MBD5: variants seen among roughly 807,000 people sequenced by gnomAD.
MBD5 encodes the protein methyl-CpG-binding domain protein 5.
In MBD5, 13 loss-of-function variants were observed where a neutral mutation model predicts 117.3. That is an observed-to-expected ratio of 0.11 (90% CI 0.07 to 0.18). The LOEUF (loss-of-function observed/expected upper bound fraction) is 0.18. Ranked by LOEUF, MBD5 falls within the 10% of genes least tolerant of loss-of-function variation. The pLI, the probability that MBD5 is intolerant of heterozygous loss-of-function variation, is 1.00. For synonymous variants in MBD5, 727 were observed against 766.4 expected, an observed-to-expected ratio of 0.95 and a Z score of 0.85; for missense variants, 1,879 against 2,093.8, an observed-to-expected ratio of 0.90 and a Z score of 2.00.
chr2:148,341,389 G>T (rs566258712), intron 3 of MBD5, among the ~76,000 whole-genome samples: 5 of 151,342 alleles, frequency 3.3e-5, no homozygotes, highest in Non-Finnish European at 7.4e-5. Context: ...GAATTAGGCC[G>T]ACCCAGATTT....
At chr2:148,236,849 TATCTACACTGAAA>T (rs1411691732) in intron 3 of MBD5, among the ~76,000 whole-genome samples, 2 of 152,064 alleles carry the variant, frequency 1.3e-5, no homozygotes, top group Non-Finnish European at 2.9e-5. Context: ...AAGGCTGTTG[TATCTACACTGAAA>T]ATCTGGTGTT....
intron 2 of MBD5, chr2:148,219,912 TA>T (rs1162663362): frequency 6.6e-6 from 1 of 152,186 alleles, no homozygotes; most frequent in Admixed American, 6.6e-5. Flanking sequence ...AGAGAATGGC[TA>T]AAGATCACCA....
chr2:148,328,096 G>A (rs553010063), intron 3 of MBD5, among the ~76,000 whole-genome samples: 2 of 152,044 alleles, frequency 1.3e-5, no homozygotes, highest in Non-Finnish European at 2.9e-5. Context: ...TGGAGTACCC[G>A]GCCGTGTGAG....
chr2:148,319,129 G>A (rs936666232), intron 3 of MBD5, among the ~76,000 whole-genome samples: 3 of 152,156 alleles, frequency 2.0e-5, no homozygotes, highest in Admixed American at 2.0e-4. Context: ...TTTTATACCA[G>A]TACCATGCTA....
chr2:148,313,590 G>T (rs750894292), intron 3 of MBD5, among the ~76,000 whole-genome samples: 2 of 152,202 alleles, frequency 1.3e-5, no homozygotes, highest in Non-Finnish European at 2.9e-5. Flanking sequence ...GTGGGAGTGG[G>T]ATCCACTGAG....
chr2:148,079,847 ACT>A (rs1363723006), intron 1 of MBD5, among the ~76,000 whole-genome samples: 1 of 142,912 alleles, frequency 7.0e-6, no homozygotes, highest in Non-Finnish European at 1.5e-5. Context: ...ACAGAGGGAG[ACT>A]CTGTCTAAAA....
intron 1 of MBD5, among the ~76,000 whole-genome samples, chr2:148,166,380 T>C (rs1698125485): frequency 6.6e-6 from 1 of 152,182 alleles, no homozygotes; most frequent in African/African-American, 2.4e-5. Flanking sequence ...ATTATTCTCA[T>C]CTGGTAAAAG....
intron 2 of MBD5, among the ~76,000 whole-genome samples, chr2:148,203,089 C>A (rs1192245558): frequency 2.9e-5 from 4 of 138,494 alleles, no homozygotes; most frequent in African/African-American, 2.8e-5. Context: ...CAGGCAACAT[C>A]ACGAGACTCC....
chr2:148,304,047 C>CA (rs1047351539), intron 3 of MBD5, among the ~76,000 whole-genome samples: 1 of 152,098 alleles, frequency 6.6e-6, no homozygotes, highest in African/African-American at 2.4e-5. Flanking sequence ...TTCCAGGACT[C>CA]AGAGATTTTC....
At chr2:148,454,563 A>C (rs1706825636) in intron 4 of MBD5, among the ~76,000 whole-genome samples, 1 of 152,184 alleles carries the variant, frequency 6.6e-6, no homozygotes, top group Non-Finnish European at 1.5e-5. Flanking sequence ...ATATATAGGA[A>C]ATAAACATAT....
Position 148,483,134 on chromosome 2 carries a change from T to G in MBD5, c.2543T>G (p.Ile848Arg), listed in dbSNP as rs184415910. The G allele has an allele frequency of 2.4e-5, 39 of 1,612,278 alleles. No individual in the cohort carries two copies. The highest frequency in any genetic ancestry group is 3.3e-5 in the Admixed American group (2 of 59,930). The change falls in exon 9 of 14, where the codon ATA (isoleucine) becomes AGA (arginine). Residue 848 changes from isoleucine (I) to arginine (R), a missense_variant. By Grantham distance (97) the Ile-to-Arg change is moderately conservative (BLOSUM62 -3). Coordinates refer to ENST00000642680, the MANE Select transcript of MBD5 (RefSeq NM_001378120.1). ...GGCGGTTCAGGACCATCATCCTCCA[T>G]AGCCATAGCGGGCACCAACCACCCT... is the stretch of plus-strand genomic sequence containing the variant. Reference protein sequence around the residue: ...EAGGSGPSSSIAIAGTNHPAI... With the variant: ...EAGGSGPSSSRAIAGTNHPAI...
At chr2:148,237,518 A>G (rs1203401251) in intron 3 of MBD5, among the ~76,000 whole-genome samples, 2 of 152,214 alleles carry the variant, frequency 1.3e-5, no homozygotes, top group African/African-American at 4.8e-5. Flanking sequence ...GAGTATTCAG[A>G]ACACACATTT....
chr2:148,380,026 T>A (rs146403009), intron 4 of MBD5, among the ~76,000 whole-genome samples: 279 of 152,086 alleles, frequency 1.8e-3, no homozygotes, highest in Non-Finnish European at 3.3e-3. Flanking sequence ...CATAAAAATG[T>A]GAAAAGATTG....
chr2:148,077,609 A>G lies in MBD5; in HGVS notation c.-925+55925A>G, dbSNP rs370280614. Among the ~76,000 whole-genome samples, 5 of 152,260 alleles carry G rather than the reference A, an allele frequency of 3.3e-5. 1 individual carries two copies. The highest frequency in any genetic ancestry group is 1.2e-4 in the African/African-American group (5 of 41,554). On this transcript the variant is annotated intron_variant, in intron 1 of 13. Coordinates refer to ENST00000642680, the MANE Select transcript of MBD5 (RefSeq NM_001378120.1). ...AGTGTATAGAATGTAAAAACAATAT[A>G]TAGTGTCCTGCTCCATATGAAGCAC...
At chr2:148,258,768 T>G (rs941072258) in intron 3 of MBD5, among the ~76,000 whole-genome samples, 9 of 152,232 alleles carry the variant, frequency 5.9e-5, no homozygotes, top group African/African-American at 2.2e-4. Flanking sequence ...CAAAATCAAA[T>G]CTATCCATAT....
At chr2:148,111,964 T>A (rs761111429) in intron 1 of MBD5, among the ~76,000 whole-genome samples, 2 of 152,124 alleles carry the variant, frequency 1.3e-5, no homozygotes, top group Non-Finnish European at 1.5e-5. Flanking sequence ...ATGAATGTGG[T>A]CTATCTCTCT....
chr2:148,314,667 C>G (rs1033675500), intron 3 of MBD5, among the ~76,000 whole-genome samples: 1 of 151,970 alleles, frequency 6.6e-6, no homozygotes, highest in Non-Finnish European at 1.5e-5. Flanking sequence ...CGAGATCCAG[C>G]GCATTCAGGG....
chr2:148,284,697 T>A (rs1394574563), intron 3 of MBD5, among the ~76,000 whole-genome samples: 1 of 152,198 alleles, frequency 6.6e-6, no homozygotes, highest in East Asian at 1.9e-4. Flanking sequence ...GCTACAAACC[T>A]GATGCCAGGC....
At chr2:148,137,877 G>A (rs1174296267) in intron 1 of MBD5, among the ~76,000 whole-genome samples, 2 of 152,180 alleles carry the variant, frequency 1.3e-5, no homozygotes, top group Admixed American at 6.5e-5. Context: ...TAGCCTAGGA[G>A]CAATGGGCTG....
Sources: allele counts gnomAD v4.1 joint callset (sites outside exome capture counted in the v4.1 genomes callset), GRCh38; gene constraint gnomAD v4.1.1; transcripts MANE v1.5; gene names NCBI Gene and HGNC (gene_info 2026-07-23, HGNC 2026-07-21).